Variants in DMD observed in about 807,000 individuals in gnomAD.
DMD encodes dystrophin, also known as mutant dystrophin.
A neutral mutation model predicts 330.1 loss-of-function variants in DMD; 63 were observed. The observed-to-expected ratio is 0.19, with a 90% CI of 0.16 to 0.24. The LOEUF (loss-of-function observed/expected upper bound fraction) is 0.24, where lower values mean the gene tolerates loss of function less well. Ranked by LOEUF, DMD falls within the 10% of genes least tolerant of loss-of-function variation. DMD has a pLI of 1.00. For synonymous variants in DMD, 1,223 were observed against 959.8 expected (o/e 1.27, Z -5.07); for missense variants, 3,344 against 2,684.1 (o/e 1.25, Z -5.43).
At chrX:32,914,432 GT>G (rs2087598586) in intron 2 of DMD, among the ~76,000 whole-genome samples, 1 of 112,455 alleles carries the variant, frequency 8.9e-6, no homozygotes, top group South Asian at 3.7e-4. Flanking sequence ...TAGGCTCATA[GT>G]AACAAGCAAC....
intron 63 of DMD, among the ~76,000 whole-genome samples, chrX:31,232,253 G>C (rs1373707249): frequency 2.7e-5 from 3 of 110,919 alleles, no homozygotes; most frequent in African/African-American, 9.9e-5. Context: ...CCTGCACATC[G>C]TGTGAAGGAT....
chrX:32,552,620 A>G (rs2049704321), intron 16 of DMD, among the ~76,000 whole-genome samples: 1 of 111,969 alleles, frequency 8.9e-6, no homozygotes, highest in Non-Finnish European at 1.9e-5. Context: ...GAAACTATCA[A>G]CAGAGTAAAC....
At chrX:33,325,822 G>A (rs2054081177) in intron 1 of DMD, among the ~76,000 whole-genome samples, 1 of 111,608 alleles carries the variant, frequency 9.0e-6, no homozygotes, top group South Asian at 3.7e-4. Flanking sequence ...TTTGCTTTGT[G>A]TTACTTTACC....
In DMD at chrX:31,636,728, T is replaced by C. The variant is rs187056155; in HGVS notation, c.8028-8866A>G. Among the ~76,000 whole-genome samples the C allele has an allele frequency of 9.1e-4, 102 of 111,687 alleles. 1 individual carries two copies. Among genetic ancestry groups the C allele is most frequent in the Admixed American group, 6.3e-3 (66 of 10,453 alleles). The stretch of plus-strand genomic sequence containing the variant: ...GTTATTATTATATGAATTAGGATTA[T>C]GGGGTATGTGTGTATATATGTGTGA... On this transcript the variant is annotated intron_variant, in intron 54 of 78. Transcript: ENST00000357033.
chrX:32,630,996 C>T (rs1051600049), intron 11 of DMD, among the ~76,000 whole-genome samples: 23 of 111,441 alleles, frequency 2.1e-4, no homozygotes, highest in Non-Finnish European at 3.8e-4. Context: ...TTTAAAGGTT[C>T]TTGGGTGTTG....
rs112509940 is a variant in DMD, at chrX:31,121,438, G to A, written c.*481C>T. 162 of 128,708 alleles carry A rather than the reference G, an allele frequency of 1.3e-3. 1 individual carries two copies. Among genetic ancestry groups the A allele is most frequent in the East Asian group, 2.1e-3 (10 of 4,704 alleles). 10.6% of individuals were successfully genotyped at this position (128,708 alleles called of 1,213,427 possible). On this transcript the variant is annotated 3_prime_UTR_variant, in exon 79 of 79. Transcript: ENST00000357033. ...CTGCCTCAAAGTTTTGTGTGTGTGT[G>A]TGTATGTGTGTGTGTGTGTGTTTGT...
intron 13 of DMD, among the ~76,000 whole-genome samples, chrX:32,584,049 T>C (rs1180495315): frequency 9.0e-6 from 1 of 110,822 alleles, no homozygotes; most frequent in Non-Finnish European, 1.9e-5. Context: ...AAATGTAATA[T>C]AAACAGCAAA....
intron 17 of DMD, among the ~76,000 whole-genome samples, chrX:32,542,479 C>T (rs948469437): frequency 9.0e-6 from 1 of 111,639 alleles, no homozygotes; most frequent in Non-Finnish European, 1.9e-5. Context: ...GTGTGATACT[C>T]CCATAGGAAT....
chrX:32,141,627 T>A (rs2096753839), intron 44 of DMD, among the ~76,000 whole-genome samples: 1 of 109,578 alleles, frequency 9.1e-6, no homozygotes, highest in Non-Finnish European at 1.9e-5. Context: ...GAACTATTTT[T>A]AAAATTTTAT....
At chrX:32,868,218 G>T (rs755530868) in intron 2 of DMD, among the ~76,000 whole-genome samples, 1 of 111,941 alleles carries the variant, frequency 8.9e-6, no homozygotes, top group Non-Finnish European at 1.9e-5. Context: ...TGTGCAACCC[G>T]CAGATCAGGA....
At chrX:32,360,373 TAATTATCTC>T (rs2097827263) in intron 37 of DMD, among the ~76,000 whole-genome samples, 1 of 112,087 alleles carries the variant, frequency 8.9e-6, no homozygotes, top group Non-Finnish European at 1.9e-5. Flanking sequence ...TAATAGAGCA[TAATTATCTC>T]TTCAGAGCCC....
intron 6 of DMD, among the ~76,000 whole-genome samples, chrX:32,812,058 T>C (rs1276820153): frequency 1.8e-5 from 2 of 111,165 alleles, no homozygotes; most frequent in South Asian, 3.8e-4. Context: ...TAACGTATTA[T>C]AATTTATCCC....
At chrX:31,489,896 G>C (rs1463808230) in intron 57 of DMD, among the ~76,000 whole-genome samples, 3 of 111,905 alleles carry the variant, frequency 2.7e-5, no homozygotes, top group African/African-American at 9.7e-5. Context: ...AAGTGAGAGA[G>C]AAGACTGGTA....
intron 60 of DMD, among the ~76,000 whole-genome samples, chrX:31,434,521 C>T (rs1229888655): frequency 1.9e-5 from 2 of 107,517 alleles, no homozygotes; most frequent in Non-Finnish European, 3.8e-5. Flanking sequence ...ATTTTCTTTC[C>T]TGACACATTT....
chrX:31,861,589 A>G (rs2149603988), intron 48 of DMD, among the ~76,000 whole-genome samples: 1 of 106,201 alleles, frequency 9.4e-6, no homozygotes, highest in South Asian at 4.3e-4. Flanking sequence ...AACTGTAAAA[A>G]AAAAAAAAAA....
intron 16 of DMD, among the ~76,000 whole-genome samples, chrX:32,554,873 GGAAAGAAGAAAGAAAGAAAGAAA>G (rs2050043381): frequency 3.2e-5 from 1 of 31,172 alleles, no homozygotes; most frequent in East Asian, 1.1e-3. Flanking sequence ...AGAGAGAGAA[GGAAAGAAGAAAGAAAGAAAGAAA>G]GAAAGAAAGA....
intron 42 of DMD, among the ~76,000 whole-genome samples, chrX:32,303,114 G>C (rs2097529087): frequency 9.0e-6 from 1 of 111,672 alleles, no homozygotes; most frequent in Non-Finnish European, 1.9e-5. Flanking sequence ...TACAAACCTA[G>C]AACAATTTCT....
rs1190158409 is a variant in DMD at position 32,573,747 on chromosome X, G to C, written c.1702C>G (p.Gln568Glu). 8.3e-7 allele frequency: 1 copy of C among 1,208,366 alleles called. No homozygotes were observed. The highest frequency in any genetic ancestry group is 1.1e-6 in the Non-Finnish European group (1 of 893,924). The change falls in exon 14 of 79, where the codon CAG becomes GAG. Residue 568 changes from glutamine (Q) to glutamate (E), a missense_variant and splice_region_variant. Transcript: ENST00000357033. ...CTAGTTTCTCACACATGACACACCT[G>C]TTCTTCAGTAAGACGTTGCCATTTG... is the stretch of plus-strand genomic sequence containing the variant. ...LLKWQRLTEE[Q>E]CLFSAWLSEK...
intron 44 of DMD, among the ~76,000 whole-genome samples, chrX:32,152,803 T>G (rs1345449065): frequency 8.9e-6 from 1 of 111,929 alleles, no homozygotes; most frequent in Non-Finnish European, 1.9e-5. Context: ...CTATTTCCAA[T>G]GACTCTGGCA....
Sources: allele counts gnomAD v4.1 joint callset (sites outside exome capture counted in the v4.1 genomes callset), GRCh38; gene constraint gnomAD v4.1.1; transcripts MANE v1.5; gene names NCBI Gene and HGNC (gene_info 2026-07-23, HGNC 2026-07-21).